ELOVL6: variants seen among roughly 807,000 people sequenced by gnomAD.
ELOVL6 encodes very long chain fatty acid elongase 6.
Under a neutral mutation model 31.7 loss-of-function variants are expected in ELOVL6, and 8 were observed. The observed-to-expected ratio is 0.25, with a 90% CI of 0.15 to 0.45. The LOEUF is 0.45. Ranked by LOEUF, ELOVL6 falls within the 20% of genes least tolerant of loss-of-function variation. The pLI, the probability that ELOVL6 is intolerant of heterozygous loss-of-function variation, is 1.00. For synonymous variants in ELOVL6, 101 were observed against 117.7 expected (o/e 0.86, Z 0.92); for missense variants, 126 against 326.4 (o/e 0.39, Z 4.73).
chr4:110,191,603 G>A (rs1759623912), intron 1 of ELOVL6, among the ~76,000 whole-genome samples: 1 of 152,012 alleles, frequency 6.6e-6, no homozygotes, highest in African/African-American at 2.4e-5. Flanking sequence ...TAAAATACTT[G>A]GACCTGAAAT....
At chr4:110,077,372 G>A (rs918027740) in intron 2 of ELOVL6, among the ~76,000 whole-genome samples, 6 of 152,126 alleles carry the variant, frequency 3.9e-5, no homozygotes, top group Non-Finnish European at 7.4e-5. Flanking sequence ...ACACAGCCGG[G>A]TGCTCCTCTG....
intron 1 of ELOVL6, among the ~76,000 whole-genome samples, chr4:110,121,703 A>C (rs1471058258): frequency 1.3e-5 from 2 of 152,158 alleles, no homozygotes; most frequent in Non-Finnish European, 1.5e-5. Context: ...TGTCTCAAAA[A>C]AAAAGTAGTA....
At chr4:110,077,579 C>A (rs958831004) in intron 2 of ELOVL6, among the ~76,000 whole-genome samples, 1 of 152,148 alleles carries the variant, frequency 6.6e-6, no homozygotes, top group Non-Finnish European at 1.5e-5. Flanking sequence ...CACACCAAAA[C>A]TCCATCTGTA....
chr4:110,169,053 T>C (rs916945490), intron 1 of ELOVL6, among the ~76,000 whole-genome samples: 9 of 152,144 alleles, frequency 5.9e-5, no homozygotes, highest in Non-Finnish European at 1.2e-4. Flanking sequence ...CCTAGACCTC[T>C]TGGGCTCAAG....
At chr4:110,196,366 G>A (rs141045858) in intron 1 of ELOVL6, among the ~76,000 whole-genome samples, 2,928 of 152,288 alleles carry the variant, frequency 0.019, 91 homozygotes, top group African/African-American at 0.067. Flanking sequence ...GTGCGGAGAA[G>A]ACCCGGGCCC....
At chr4:110,189,359 G>A (rs374845895) in intron 1 of ELOVL6, among the ~76,000 whole-genome samples, 27 of 151,958 alleles carry the variant, frequency 1.8e-4, no homozygotes, top group African/African-American at 6.5e-4. Context: ...GGCCGAGGTG[G>A]GCGGATCACT....
At chr4:110,090,987 C>T (rs938995436) in intron 2 of ELOVL6, among the ~76,000 whole-genome samples, 1 of 152,112 alleles carries the variant, frequency 6.6e-6, no homozygotes, top group Non-Finnish European at 1.5e-5. Context: ...GGAAGAAATA[C>T]AGAAGGTATT....
chr4:110,084,373 T>TATATCGCATAC lies in ELOVL6; in HGVS notation c.221+21123_221+21124insGTATGCGATAT, dbSNP rs1553956129. Among the ~76,000 whole-genome samples the TATATCGCATAC allele has an allele frequency of 3.9e-5, 5 of 129,342 alleles. No individual in the cohort carries two copies. In the East Asian group the frequency reaches 6.4e-4, roughly 17 times the overall value. 84.9% of individuals were successfully genotyped at this position (129,342 alleles called of 152,430 possible). Reference sequence around the variant, plus strand: ...TATGATATATACCGCATATATGATATATGATATATATCGCATATATGATAT... The same window carrying TATATCGCATAC: ...TATGATATATACCGCATATATGATATATATCGCATACATGATATATATCGCATATATGATAT... On this transcript the variant is annotated intron_variant, in intron 2 of 3. Transcript: ENST00000302274.
At chr4:110,101,536 A>C (rs1012571933) in intron 2 of ELOVL6, among the ~76,000 whole-genome samples, 7 of 152,234 alleles carry the variant, frequency 4.6e-5, no homozygotes, top group African/African-American at 1.4e-4. Flanking sequence ...CAATATGCAA[A>C]ATTGAGAGTT....
intron 1 of ELOVL6, among the ~76,000 whole-genome samples, chr4:110,131,798 A>C (rs1757676754): frequency 6.6e-6 from 1 of 152,150 alleles, no homozygotes; most frequent in South Asian, 2.1e-4. Flanking sequence ...GGTGACACAA[A>C]CCTCAAATTG....
At chr4:110,174,390 C>A (rs937671614) in intron 1 of ELOVL6, among the ~76,000 whole-genome samples, 1 of 151,974 alleles carries the variant, frequency 6.6e-6, no homozygotes, top group Non-Finnish European at 1.5e-5. Context: ...GGTCTTGAAC[C>A]CCCGGCCTCA....
chr4:110,193,882 T>C (rs1347043594), intron 1 of ELOVL6, among the ~76,000 whole-genome samples: 2 of 152,022 alleles, frequency 1.3e-5, no homozygotes, highest in Non-Finnish European at 2.9e-5. Flanking sequence ...TTTCATGAAG[T>C]TCTAGGCAAG....
At chr4:110,158,657 A>ATATATATATATATATATATATATATATTT in intron 1 of ELOVL6, among the ~76,000 whole-genome samples, 1 of 74,162 alleles carries the variant, frequency 1.3e-5, no homozygotes, top group Non-Finnish European at 2.3e-5. Context: ...ATATATATAT[A>ATATATATATATATATATATATATATATTT]TTTTTTTTTT....
chr4:110,073,709 C>A (rs1404800875), intron 2 of ELOVL6, among the ~76,000 whole-genome samples: 2 of 152,158 alleles, frequency 1.3e-5, no homozygotes, highest in Non-Finnish European at 2.9e-5. Context: ...CTGCCCCTGA[C>A]CTCACAGCCA....
At chr4:110,095,355 G>T (rs1053281369) in intron 2 of ELOVL6, among the ~76,000 whole-genome samples, 29 of 151,972 alleles carry the variant, frequency 1.9e-4, no homozygotes, top group Admixed American at 1.9e-3. Flanking sequence ...GGTGGCACAC[G>T]CCTGTAATCC....
At chr4:110,102,422 A>G (rs1250618520) in intron 2 of ELOVL6, among the ~76,000 whole-genome samples, 1 of 152,156 alleles carries the variant, frequency 6.6e-6, no homozygotes, top group Non-Finnish European at 1.5e-5. Flanking sequence ...GGAGAAATAA[A>G]AGTTAAGTCA....
At chr4:110,065,343 T>A (rs887222830) in intron 2 of ELOVL6, among the ~76,000 whole-genome samples, 5 of 152,234 alleles carry the variant, frequency 3.3e-5, no homozygotes, top group Non-Finnish European at 4.4e-5. Context: ...GGCTTTGGGC[T>A]GGGCTGGGCA....
intron 2 of ELOVL6, chr4:110,059,963 C>T (rs141442899): frequency 1.8e-4 from 84 of 459,354 alleles, no homozygotes; most frequent in African/African-American, 1.6e-3. Flanking sequence ...TATATGATAC[C>T]ACTTCCTCTT....
At chr4:110,166,316 A>G (rs909904588) in intron 1 of ELOVL6, among the ~76,000 whole-genome samples, 1 of 152,164 alleles carries the variant, frequency 6.6e-6, no homozygotes, top group Non-Finnish European at 1.5e-5. Context: ...GAATTCTCTT[A>G]AATTCTTGTG....
Sources: gnomAD v4.1 joint callset for allele counts (sites outside exome capture counted in the v4.1 genomes callset) on GRCh38, gnomAD v4.1.1 for gene constraint, MANE v1.5 for transcripts, NCBI Gene and HGNC (gene_info 2026-07-23, HGNC 2026-07-21) for gene names.